The following ASPG variants were observed in gnomAD, a reference collection of about 807,000 sequenced individuals.
ASPG encodes 60 kDa lysophospholipase.
ASPG carries 53 observed loss-of-function variants against 63.2 expected under a neutral mutation model. That is an observed-to-expected ratio of 0.84 (90% CI 0.67 to 1.05). The LOEUF (loss-of-function observed/expected upper bound fraction) is 1.05. ASPG is among the 50% of genes least tolerant of loss of function. The pLI, the probability that ASPG is intolerant of heterozygous loss-of-function variation, is 0.00. For missense variants in ASPG, 741 were observed against 794.4 expected, an observed-to-expected ratio of 0.93 and a Z score of 0.81; for synonymous variants, 370 against 355.0, an observed-to-expected ratio of 1.04 and a Z score of -0.48.
intron 3 of ASPG, among the ~76,000 whole-genome samples, chr14:104,094,190 G>A (rs1291878782): frequency 3.3e-5 from 5 of 152,010 alleles, no homozygotes; most frequent in Non-Finnish European, 7.4e-5. Flanking sequence ...CTTCCCAGAT[G>A]AGGACACAAC....
Position 104,104,402 on chromosome 14 carries a change from G to C in ASPG, c.852G>C (p.Arg284=). 1.2e-6 allele frequency: 2 copies of C among 1,612,610 alleles called. No homozygotes were observed. The highest frequency in any genetic ancestry group is 1.1e-5 in the South Asian group (1 of 91,078). Residue 284 remains arginine (R), a synonymous_variant, in exon 8 of 16, where the codon CGG becomes CGC. Transcript: ENST00000551177. ...PTKPDLLQEL[R]VATERGLVIV... is the part of the protein sequence containing the mutation. ...AGCCCGACCTGCTGCAGGAGCTGCG[G>C]GTGGCCACCGAGCGCGGCCTGGTCA... is the stretch of plus-strand genomic sequence containing the variant.
At chr14:104,086,291 G>A (rs1308675610) in intron 1 of ASPG, among the ~76,000 whole-genome samples, 1 of 152,136 alleles carries the variant, frequency 6.6e-6, no homozygotes, top group African/African-American at 2.4e-5. Flanking sequence ...GGGTGTCCCC[G>A]TCCCCTGGGG....
At position 104,098,995 on chromosome 14, in the gene ASPG, G is replaced by A; in HGVS notation, c.640+16G>A. 6.4e-7 allele frequency: 1 copy of A among 1,572,550 alleles called. No individual in the cohort carries two copies. ...GACATCACAAGTAAGCCCCGCAGGA[G>A]CAGGGCCAGGTGCCTGCCCAGTGCT... On this transcript the variant is annotated intron_variant, in intron 6 of 15. Coordinates refer to ENST00000551177, the MANE Select transcript of ASPG (RefSeq NM_001080464.3).
chr14:104,105,725 C>T (rs894141713), intron 10 of ASPG, among the ~76,000 whole-genome samples: 2 of 152,194 alleles, frequency 1.3e-5, no homozygotes, highest in African/African-American at 2.4e-5. Flanking sequence ...GGGGCTGCCT[C>T]GGGAGCTGCC....
At position 104,115,323 on chromosome 14, in the gene ASPG, G is replaced by T. The variant is rs1771008; in HGVS notation, c.*2779G>T. ...ACCTTCTCCCCGTCCTCTCTCGTCA[G>T]TTCCCTTGGATGCTGGACACGGGAG... On this transcript the variant is annotated 3_prime_UTR_variant, in exon 16 of 16. Coordinates refer to ENST00000551177, the MANE Select transcript of ASPG (RefSeq NM_001080464.3). The T allele has an allele frequency of 1.3e-5, 2 of 152,112 alleles. No homozygotes were observed. The highest frequency in any genetic ancestry group is 3.9e-4 in the East Asian group (2 of 5,154). 9.4% of individuals were successfully genotyped at this position (152,112 alleles called of 1,614,324 possible).
At chr14:104,093,413 C>A (rs760010009) in intron 2 of ASPG, 78 bp from the exon 3 acceptor site, 3 of 1,293,776 alleles carry the variant, frequency 2.3e-6, no homozygotes, top group Non-Finnish European at 1.1e-6. Context: ...GGGAACAGAG[C>A]GGGTCAGGGC....
chr14:104,098,087 C>A (rs543244515), intron 5 of ASPG, among the ~76,000 whole-genome samples: 5 of 111,586 alleles, frequency 4.5e-5, no homozygotes, highest in African/African-American at 1.6e-4. Flanking sequence ...GTTAGAGATG[C>A]GTATGGAGGT....
intron 5 of ASPG, among the ~76,000 whole-genome samples, chr14:104,097,931 C>T (rs866322229): frequency 4.8e-5 from 6 of 125,090 alleles, no homozygotes; most frequent in African/African-American, 1.6e-4. Flanking sequence ...GTTAGAGATG[C>T]GTATGGAGGT....
chr14:104,095,407 AGGGTCCCAC>A, intron 3 of ASPG, 115 bp from the exon 4 acceptor site: 1 of 1,356,320 alleles, frequency 7.4e-7, no homozygotes, highest in Non-Finnish European at 1.0e-6. Flanking sequence ...CTTCCAGGCC[AGGGTCCCAC>A]GGGTGCCTCC....
rs1470535706 is a variant in ASPG at position 104,094,706 on chromosome 14, T to C, written c.304-825T>C. 5.3e-5 allele frequency among the ~76,000 whole-genome samples: 8 copies of C among 152,298 alleles called. No individual in the cohort carries two copies. In the East Asian group the frequency reaches 1.5e-3, roughly 29 times the overall value. On this transcript the variant is annotated intron_variant, in intron 3 of 15. Transcript: ENST00000551177. ...CAGCCCTCACCGGGCAAGGCGTGAC[T>C]GCTTTTTGAGGCCCACGAAGCTGCC...
chr14:104,101,284 C>T (rs2036862808), intron 6 of ASPG, among the ~76,000 whole-genome samples: 1 of 152,154 alleles, frequency 6.6e-6, no homozygotes, highest in African/African-American at 2.4e-5. Context: ...TGGCAGTGTG[C>T]ACCCTCAGCC....
Position 104,108,532 on chromosome 14 carries a change from T to A in ASPG, c.1434-697T>A. 15 of 985,394 alleles carry A rather than the reference T, an allele frequency of 1.5e-5. 1 individual carries two copies. In the South Asian group the frequency reaches 7.0e-4, roughly 46 times the overall value. The allele number at this position is 985,394 out of a possible 1,614,324, so 61.0% of individuals were successfully genotyped here. ...CACTGCCTCATACCTATTCCCAGGC[T>A]CCCTAAATGGGGTGATGGGGGGATC... On this transcript the variant is annotated intron_variant, in intron 12 of 15. Transcript: ENST00000551177.
rs2036377986 is a variant in ASPG at position 104,091,798 on chromosome 14, A to G, written c.83-835A>G. ...TGGGATCTGCAGGATAGGATGGGGCATTGCTGCTGGGGGAGGGAAGGGAGG... is the reference window on the plus strand; with the variant it reads ...TGGGATCTGCAGGATAGGATGGGGCGTTGCTGCTGGGGGAGGGAAGGGAGG... On this transcript the variant is annotated intron_variant, in intron 1 of 15. Coordinates refer to ENST00000551177, the MANE Select transcript of ASPG (RefSeq NM_001080464.3). The surrounding 1 kb of genome is among the most constrained non-coding windows in gnomAD (Gnocchi z 6.4). Among the ~76,000 whole-genome samples, 1 of 118,522 alleles carries G rather than the reference A, an allele frequency of 8.4e-6. No individual in the cohort carries two copies. The allele number at this position is 118,522 out of a possible 152,430, so 77.8% of individuals were successfully genotyped here. A position where few individuals can be genotyped will look rare whatever the true frequency, so the allele number is the denominator to read the frequency against.
intron 2 of ASPG, chr14:104,092,960 A>C (rs1302609750): frequency 9.1e-6 from 5 of 552,208 alleles, no homozygotes; most frequent in South Asian, 4.9e-5. Flanking sequence ...TTCCCTCCCC[A>C]CCCTCCTCCC....
intron 1 of ASPG, among the ~76,000 whole-genome samples, chr14:104,092,300 G>T (rs1256772534): frequency 6.6e-6 from 1 of 152,158 alleles, no homozygotes; most frequent in Non-Finnish European, 1.5e-5. Context: ...GCCTTGGTGG[G>T]GAGTGTGGAC....
At chr14:104,106,678 G>A (rs1312422707) in intron 10 of ASPG, 121 bp from the exon 11 acceptor site, 13 of 884,218 alleles carry the variant, frequency 1.5e-5, no homozygotes, top group Non-Finnish European at 1.6e-5. Context: ...TCTCACCCAC[G>A]CCCTGGGATC....
Position 104,109,483 on chromosome 14 carries a change from A to G in ASPG, c.1520+168A>G, listed in dbSNP as rs1017167075. On this transcript the variant is annotated intron_variant, in intron 13 of 15. Coordinates refer to ENST00000551177, the MANE Select transcript of ASPG (RefSeq NM_001080464.3). This position sits in a 1 kb window ranked among gnomAD's most constrained non-coding sequence, Gnocchi z 4.8. ...ACCTGGCTGATGGGAAGAGGTGTCT[A>G]CCCTGGACCATGTCATGGGGCAGGG... Among the ~76,000 whole-genome samples the G allele has an allele frequency of 1.3e-5, 2 of 151,968 alleles. No individual in the cohort carries two copies. Among genetic ancestry groups the G allele is most frequent in the African/African-American group, 4.8e-5 (2 of 41,366 alleles).
At position 104,110,762 on chromosome 14, in the gene ASPG, G is replaced by A; in HGVS notation, c.1521-740G>A. The A allele has an allele frequency of 3.0e-6, 3 of 985,334 alleles. No individual in the cohort carries two copies. The highest frequency in any genetic ancestry group is 3.6e-6 in the Non-Finnish European group (3 of 829,858). 61.0% of individuals were successfully genotyped at this position (985,334 alleles called of 1,614,324 possible). A position where few individuals can be genotyped will look rare whatever the true frequency, so the allele number is the denominator to read the frequency against. The stretch of plus-strand genomic sequence containing the variant: ...CACCAGGCCACTTCCCCCAGCCCCT[G>A]CACACCATGGGTGGGTGGAGCCTTC... On this transcript the variant is annotated intron_variant, in intron 13 of 15. Coordinates refer to ENST00000551177, the MANE Select transcript of ASPG (RefSeq NM_001080464.3). The surrounding 1 kb of genome is among the most constrained non-coding windows in gnomAD (Gnocchi z 4.7).
At chr14:104,092,774 G>A in intron 2 of ASPG, 33 bp downstream of exon 2, 3 of 1,516,666 alleles carry the variant, frequency 2.0e-6, no homozygotes, top group Non-Finnish European at 2.7e-6. Flanking sequence ...CCCGGACAGG[G>A]CATGGCTGCT....
Sources: allele counts gnomAD v4.1 joint callset (sites outside exome capture counted in the v4.1 genomes callset), GRCh38; gene constraint gnomAD v4.1.1; non-coding constraint Gnocchi (gnomAD v3.1); transcripts MANE v1.5; gene names NCBI Gene and HGNC (gene_info 2026-07-23, HGNC 2026-07-21).